The following SEC22C variants were observed in gnomAD, a reference collection of about 807,000 sequenced individuals.
The protein encoded by SEC22C is vesicle-trafficking protein SEC22c.
Under a neutral mutation model 34.7 loss-of-function variants are expected in SEC22C, and 29 were observed. The ratio of observed to expected loss-of-function variants is 0.84; its 90% CI spans 0.62 to 1.14. The LOEUF is 1.14. Ranked by LOEUF, SEC22C falls within the 50% of genes most tolerant of loss-of-function variation. SEC22C has a pLI of 0.00. For synonymous variants in SEC22C, 117 were observed against 132.8 expected, an observed-to-expected ratio of 0.88 and a Z score of 0.82; for missense variants, 337 against 369.0, an observed-to-expected ratio of 0.91 and a Z score of 0.71.
At chr3:42,568,650 GAAAAAAAA>G (rs56182942) in intron 2 of SEC22C, among the ~76,000 whole-genome samples, 4 of 96,522 alleles carry the variant, frequency 4.1e-5, no homozygotes, top group Non-Finnish European at 9.5e-5. Flanking sequence ...TGCCTCAAAA[GAAAAAAAA>G]AAAAAAAAAA....
In SEC22C at chr3:42,549,962, C is replaced by T. The variant is rs1024871498; in HGVS notation, c.*3286G>A. 5.4e-5 allele frequency: 53 copies of T among 985,324 alleles called. No homozygotes were observed. The highest frequency in any genetic ancestry group is 2.5e-4 in the Admixed American group (4 of 16,262). The allele number at this position is 985,324 out of a possible 1,614,324, so 61.0% of individuals were successfully genotyped here. ...TCTGGTACTGAGAGGGAATGCCACC[C>T]GAATATGCCCCAGCTGTCTCCACCC... On this transcript the variant is annotated 3_prime_UTR_variant, in exon 7 of 7. Coordinates refer to ENST00000264454, the MANE Select transcript of SEC22C (RefSeq NM_032970.4).
At chr3:42,563,281 G>A (rs756198291) in intron 3 of SEC22C, among the ~76,000 whole-genome samples, 16 of 152,330 alleles carry the variant, frequency 1.1e-4, no homozygotes, top group South Asian at 4.1e-4. Context: ...TAACCTACAC[G>A]TTTCACCCTT....
chr3:42,563,548 G>A lies in SEC22C; in HGVS notation c.321C>T (p.Ser107=). 1.9e-6 allele frequency: 3 copies of A among 1,613,822 alleles called. No individual in the cohort carries two copies. The highest frequency in any genetic ancestry group is 2.5e-6 in the Non-Finnish European group (3 of 1,179,772). The change falls in exon 3 of 7, where the codon TCC becomes TCT. Residue 107 remains serine (S), a synonymous_variant. Coordinates refer to ENST00000264454, the MANE Select transcript of SEC22C (RefSeq NM_032970.4). ...CAAACTCAAGAAAAGCGTATGGCCT[G>A]GAGGCTAGGCCAATGCAGGTAGTGT... ...SYDTTCIGLA[S]RPYAFLEFDS...
intron 1 of SEC22C, among the ~76,000 whole-genome samples, chr3:42,595,583 T>C (rs1271798242): frequency 6.6e-6 from 1 of 152,242 alleles, no homozygotes; most frequent in Non-Finnish European, 1.5e-5. Context: ...TGGTAATTCA[T>C]TAGGGATTAC....
intron 1 of SEC22C, 37 bp from the exon 2 acceptor site, chr3:42,569,110 A>G (rs1267916493): frequency 1.4e-6 from 2 of 1,406,858 alleles, no homozygotes; most frequent in Non-Finnish European, 2.0e-6. Flanking sequence ...CTGAGGCTCA[A>G]ATGACAGTGC....
At chr3:42,573,282 T>C (rs2125717915) in intron 1 of SEC22C, 1 of 152,368 alleles carries the variant, frequency 6.6e-6, no homozygotes, top group South Asian at 2.1e-4. Context: ...TCCTGGCACT[T>C]TGGTAGGCCA....
At chr3:42,556,721 T>C (rs1370364484) in intron 5 of SEC22C, among the ~76,000 whole-genome samples, 1 of 152,198 alleles carries the variant, frequency 6.6e-6, no homozygotes, top group Non-Finnish European at 1.5e-5. Flanking sequence ...TCCTCTTTTT[T>C]GTTTTTGTTT....
At chr3:42,578,454 G>C (rs1170647125) in intron 1 of SEC22C, among the ~76,000 whole-genome samples, 5 of 152,050 alleles carry the variant, frequency 3.3e-5, no homozygotes, top group African/African-American at 1.2e-4. Flanking sequence ...TGAATGAACA[G>C]CCAAAGGCAT....
rs749258583 is a variant in SEC22C at position 42,553,397 on chromosome 3, T to A, written c.763A>T (p.Met255Leu). Residue 255 changes from methionine to leucine, a missense_variant, in exon 7 of 7, where the codon ATG becomes TTG. Physicochemically the swap from Met to Leu is conservative, Grantham distance 15 (BLOSUM62 2). Transcript: ENST00000264454. ...TTGCCCAGGCAAATAAAGAGCAGCA[T>A]AAGCACCACCTTCATAGTCCTGGCT... ...SPARTMKVVL[M>L]LLFICLGNMY... 4 of 1,614,140 alleles carry A rather than the reference T, an allele frequency of 2.5e-6. No homozygotes were observed. In the Admixed American group the frequency reaches 6.7e-5, roughly 27 times the overall value.
chr3:42,561,292 G>C lies in SEC22C; in HGVS notation c.351C>G (p.Ser117Arg). 6.2e-7 allele frequency: 1 copy of C among 1,614,002 alleles called. No individual in the cohort carries two copies. Among genetic ancestry groups the C allele is most frequent in the Non-Finnish European group, 8.5e-7 (1 of 1,179,862 alleles). The change falls in exon 4 of 7, where the codon AGC (serine) becomes AGG (arginine). Residue 117 changes from serine to arginine, a missense_variant. Transcript: ENST00000264454. ...SRPYAFLEFDSIIQKVKWHFN... is the reference protein window; with the variant it reads ...SRPYAFLEFDRIIQKVKWHFN... ...AATGCCACTTCACTTTCTGAATGAT[G>C]CTGTCTGCAAAAAGAGAGCAACACA...
chr3:42,553,109 T>A lies in SEC22C; in HGVS notation c.*139A>T. 1 of 1,453,840 alleles carries A rather than the reference T, an allele frequency of 6.9e-7. No individual in the cohort carries two copies. Among genetic ancestry groups the A allele is most frequent in the East Asian group, 2.5e-5 (1 of 40,600 alleles). 90.1% of individuals were successfully genotyped at this position (1,453,840 alleles called of 1,614,324 possible). On this transcript the variant is annotated 3_prime_UTR_variant, in exon 7 of 7. Coordinates refer to ENST00000264454, the MANE Select transcript of SEC22C (RefSeq NM_032970.4). ...CCTCATGACTTCCACTGCAACTGTT[T>A]AACATCCCCAATTCCTGGTTTTTCA...
At chr3:42,577,638 A>G (rs1033968590) in intron 1 of SEC22C, among the ~76,000 whole-genome samples, 1 of 152,206 alleles carries the variant, frequency 6.6e-6, no homozygotes, top group African/African-American at 2.4e-5. Flanking sequence ...GACAAACTGG[A>G]TCTCTCATGC....
chr3:42,566,032 T>C, intron 2 of SEC22C: 1 of 388,260 alleles, frequency 2.6e-6, no homozygotes, highest in African/African-American at 2.1e-5. Context: ...ACTTCTTTTT[T>C]CTGTGAAAAA....
rs768607013 is a variant in SEC22C, at chr3:42,561,155, C to A, written c.488G>T (p.Gly163Val). 17 of 1,614,034 alleles carry A rather than the reference C, an allele frequency of 1.1e-5. No individual in the cohort carries two copies. Among genetic ancestry groups the A allele is most frequent in the Admixed American group, 1.7e-5 (1 of 60,002 alleles). Residue 163 changes from glycine to valine, a missense_variant, in exon 4 of 7, where the codon GGG (glycine) becomes GTG (valine). Transcript: ENST00000264454. ...LTLEDTDVANGVMNGHTPMHL... is the reference protein window; with the variant it reads ...LTLEDTDVANVVMNGHTPMHL... ...CATCGGTGTGTGACCATTCATCACC[C>A]CATTTGCCACATCTGTGTCCTCCAG...
intron 1 of SEC22C, among the ~76,000 whole-genome samples, chr3:42,571,435 G>A (rs1703620333): frequency 6.6e-6 from 1 of 152,292 alleles, no homozygotes; most frequent in South Asian, 2.1e-4. Context: ...AGATGACACT[G>A]TGATACTAAC....
chr3:42,555,844 A>G, intron 6 of SEC22C, 86 bp downstream of exon 6: 2 of 1,125,172 alleles, frequency 1.8e-6, no homozygotes, highest in South Asian at 1.3e-5. Context: ...AACAAAAATC[A>G]CATCTAGAAA....
At chr3:42,576,872 C>T (rs533771491) in intron 1 of SEC22C, among the ~76,000 whole-genome samples, 4 of 152,224 alleles carry the variant, frequency 2.6e-5, no homozygotes, top group East Asian at 3.9e-4. Context: ...TATCCTACTT[C>T]AAGACTTATT....
chr3:42,563,370 G>T (rs1703041163), intron 3 of SEC22C, among the ~76,000 whole-genome samples, 153 bp downstream of exon 3: 1 of 152,218 alleles, frequency 6.6e-6, no homozygotes, highest in Non-Finnish European at 1.5e-5. Context: ...CACTTCAATT[G>T]ATATGAAATC....
chr3:42,575,330 A>C (rs1352210715), intron 1 of SEC22C, among the ~76,000 whole-genome samples: 1 of 152,258 alleles, frequency 6.6e-6, no homozygotes, highest in East Asian at 1.9e-4. Context: ...ACAATTGCCA[A>C]AACAGAGACT....
Sources: gnomAD v4.1 joint callset for allele counts (sites outside exome capture counted in the v4.1 genomes callset) on GRCh38, gnomAD v4.1.1 for gene constraint, MANE v1.5 for transcripts, NCBI Gene and HGNC (gene_info 2026-07-23, HGNC 2026-07-21) for gene names.